The following DCHS2 variants were observed in gnomAD, a reference collection of about 807,000 sequenced individuals.
DCHS2 encodes the protein protocadherin-23.
DCHS2 carries 142 observed loss-of-function variants against 182.4 expected under a neutral mutation model. The observed-to-expected ratio is 0.78, with a 90% CI of 0.68 to 0.89. DCHS2 has a LOEUF of 0.89. Among genes scored for constraint, DCHS2 ranks in the 40% least tolerant of loss-of-function variants. The pLI, the probability that DCHS2 is intolerant of heterozygous loss-of-function variation, is 0.00. For missense variants in DCHS2, 4,319 were observed against 4,198.6 expected (o/e 1.03, Z -0.79); for synonymous variants, 1,740 against 1,663.3 (o/e 1.05, Z -1.12).
chr4:154,377,180 G>T, intron 2 of DCHS2, 73 bp downstream of exon 2: 1 of 1,399,780 alleles, frequency 7.1e-7, no homozygotes, highest in Non-Finnish European at 9.7e-7. Context: ...GATCATCATT[G>T]GTCCTCTGTG....
intron 1 of DCHS2, among the ~76,000 whole-genome samples, chr4:154,469,885 C>A (rs1382950447): frequency 6.6e-6 from 1 of 152,182 alleles, no homozygotes; most frequent in East Asian, 1.9e-4. Flanking sequence ...TTGTCCCCAG[C>A]CACTCTTGAG....
In DCHS2 at chr4:154,240,703, TTCTGA is replaced by T; in HGVS notation, c.7188_7192del (p.Asp2396GlufsTer14). The T allele has an allele frequency of 6.2e-7, 1 of 1,613,968 alleles. No homozygotes were observed. Reference sequence around the variant, plus strand: ...TTTCACCAACACCACCACTCCAGTGTTCTGATCAATAGCAAACTTGGTTCCAGGAT... The same window carrying T: ...TTTCACCAACACCACCACTCCAGTGTTCAATAGCAAACTTGGTTCCAGGAT... On this transcript the variant is annotated frameshift_variant, in exon 18 of 20. Transcript: ENST00000357232. LOFTEE classifies it high-confidence loss of function.
chr4:154,281,985 A>C (rs1009495822), intron 13 of DCHS2, among the ~76,000 whole-genome samples: 5 of 152,152 alleles, frequency 3.3e-5, no homozygotes, highest in African/African-American at 1.2e-4. Flanking sequence ...CATATGAAAT[A>C]CTGAAGTTGG....
chr4:154,489,234 T>C, intron 1 of DCHS2, 70 bp downstream of exon 1: 1 of 1,286,772 alleles, frequency 7.8e-7, no homozygotes, highest in Non-Finnish European at 1.1e-6. Flanking sequence ...CACAATTTCC[T>C]AGGCCAACTC....
intron 1 of DCHS2, among the ~76,000 whole-genome samples, chr4:154,430,693 C>G (rs1733524500): frequency 6.6e-6 from 1 of 152,172 alleles, no homozygotes; most frequent in South Asian, 2.1e-4. Flanking sequence ...CAAAATGTAT[C>G]CATCCCCCAC....
chr4:154,490,477 C>T lies in DCHS2; in HGVS notation c.879G>A (p.Pro293=), dbSNP rs1265823735. The T allele has an allele frequency of 4.6e-6, 7 of 1,536,602 alleles. No individual in the cohort carries two copies. The East Asian group carries it at 1.2e-4, about 27-fold the overall frequency. The change falls in exon 1 of 20, where the codon CCG becomes CCA. Residue 293 remains proline, a synonymous_variant. Transcript: ENST00000357232. ...GGTACTCGTCCTGCTCAAAGACCGG[C>T]GGGTTGTCGTTCTCATCCAGCACGC... ...ELRVLDENDN[P]PVFEQDEYRA...
Position 154,418,050 on chromosome 4 carries a change from T to G in DCHS2, c.2053-40606A>C, listed in dbSNP as rs957586488. ...CCCATTCTTAGTTTGGAAGGTTGCCTTTTTCTGAACAAATATTCTTATTTT... is the reference window on the plus strand; with the variant it reads ...CCCATTCTTAGTTTGGAAGGTTGCCGTTTTCTGAACAAATATTCTTATTTT... On this transcript the variant is annotated intron_variant, in intron 1 of 19. Transcript: ENST00000357232. 2.6e-5 allele frequency among the ~76,000 whole-genome samples: 4 copies of G among 152,340 alleles called. 1 individual carries two copies. The Middle Eastern group carries it at 0.01, about 389-fold the overall frequency.
At chr4:154,364,719 C>T (rs1730272196) in intron 3 of DCHS2, among the ~76,000 whole-genome samples, 1 of 152,048 alleles carries the variant, frequency 6.6e-6, no homozygotes, top group Non-Finnish European at 1.5e-5. Flanking sequence ...TCACATAGCA[C>T]ATTAGATTTC....
intron 1 of DCHS2, among the ~76,000 whole-genome samples, chr4:154,443,725 A>G (rs551052453): frequency 6.6e-6 from 1 of 152,330 alleles, no homozygotes; most frequent in South Asian, 2.1e-4. Flanking sequence ...TTCTTTCAGT[A>G]TACAACATGC....
At chr4:154,241,484 A>G (rs1731823664) in intron 17 of DCHS2, among the ~76,000 whole-genome samples, 1 of 152,164 alleles carries the variant, frequency 6.6e-6, no homozygotes, top group African/African-American at 2.4e-5. Flanking sequence ...CTCACTCACC[A>G]CATATGTTCT....
At chr4:154,404,693 G>A (rs1481303854) in intron 1 of DCHS2, among the ~76,000 whole-genome samples, 2 of 152,136 alleles carry the variant, frequency 1.3e-5, no homozygotes, top group Non-Finnish European at 2.9e-5. Context: ...GTATTTTGAA[G>A]CTATTATTAG....
chr4:154,439,168 C>A (rs978950832), intron 1 of DCHS2, among the ~76,000 whole-genome samples: 1 of 152,174 alleles, frequency 6.6e-6, no homozygotes, highest in Non-Finnish European at 1.5e-5. Context: ...TCACCAGAGG[C>A]TTTTCACACT....
intron 13 of DCHS2, among the ~76,000 whole-genome samples, chr4:154,287,718 G>C (rs1470382731): frequency 6.6e-6 from 1 of 152,066 alleles, no homozygotes; most frequent in Non-Finnish European, 1.5e-5. Context: ...CTGGCCTCAA[G>C]TGATCCACCT....
At chr4:154,246,822 A>G (rs1291932051) in intron 16 of DCHS2, among the ~76,000 whole-genome samples, 1 of 152,074 alleles carries the variant, frequency 6.6e-6, no homozygotes, top group Non-Finnish European at 1.5e-5. Flanking sequence ...TATCTTCCCA[A>G]AATAAAACAA....
intron 1 of DCHS2, among the ~76,000 whole-genome samples, chr4:154,430,784 C>T (rs886417389): frequency 3.3e-5 from 5 of 152,218 alleles, no homozygotes; most frequent in South Asian, 4.1e-4. Context: ...TTCATCTTTT[C>T]ACTCTAAATT....
At chr4:154,283,456 CAAAA>C (rs70947155) in intron 13 of DCHS2, among the ~76,000 whole-genome samples, 3 of 126,764 alleles carry the variant, frequency 2.4e-5, no homozygotes, top group African/African-American at 8.9e-5. Flanking sequence ...TAAGTTTAAG[CAAAA>C]AAAAAAAAAA....
intron 1 of DCHS2, among the ~76,000 whole-genome samples, chr4:154,483,783 T>A (rs1736012430): frequency 6.6e-6 from 1 of 152,042 alleles, no homozygotes. Flanking sequence ...AGCATTATCA[T>A]CACAGAGACC....
Position 154,346,758 on chromosome 4 carries a change from A to C in DCHS2, c.2477-11654T>G, listed in dbSNP as rs145404213. Among the ~76,000 whole-genome samples the C allele has an allele frequency of 4.6e-3, 703 of 152,028 alleles. 5 individuals carry two copies. Among genetic ancestry groups the C allele is most frequent in the Non-Finnish European group, 6.5e-3 (442 of 68,026 alleles). ...TTCAAAAACTATAGAAAAATAATTC[A>C]TAATTCCTAGATACCCATCGAAAAG... is the stretch of plus-strand genomic sequence containing the variant. On this transcript the variant is annotated intron_variant, in intron 3 of 19. Transcript: ENST00000357232.
chr4:154,326,829 T>C (rs777412737), intron 7 of DCHS2, among the ~76,000 whole-genome samples: 2 of 152,176 alleles, frequency 1.3e-5, no homozygotes, highest in Non-Finnish European at 2.9e-5. Flanking sequence ...AACTTCCCAC[T>C]TGTTATTTGG....
Sources: gnomAD v4.1 joint callset for allele counts (sites outside exome capture counted in the v4.1 genomes callset) on GRCh38, gnomAD v4.1.1 for gene constraint, MANE v1.5 for transcripts, NCBI Gene and HGNC (gene_info 2026-07-23, HGNC 2026-07-21) for gene names.